The following PID1 variants were observed in gnomAD, a reference collection of about 807,000 sequenced individuals.
The protein encoded by PID1 is phosphotyrosine interaction domain containing 1.
PID1 carries 10 observed loss-of-function variants against 19.1 expected under a neutral mutation model. That is an observed-to-expected ratio of 0.52 (90% CI 0.32 to 0.89). The LOEUF is 0.89. PID1 is among the 40% of genes least tolerant of loss of function. PID1 has a pLI of 0.03. For synonymous variants in PID1, 130 were observed against 116.0 expected (o/e 1.12, Z -0.78); for missense variants, 248 against 285.3 (o/e 0.87, Z 0.94).
At chr2:229,161,593 A>T (rs907709826) in intron 1 of PID1, among the ~76,000 whole-genome samples, 5 of 152,222 alleles carry the variant, frequency 3.3e-5, no homozygotes, top group Non-Finnish European at 5.9e-5. Flanking sequence ...TCTCTTTTTT[A>T]AAAAAGTGAA....
intron 1 of PID1, among the ~76,000 whole-genome samples, chr2:229,224,694 T>G (rs1282619689): frequency 1.3e-5 from 2 of 152,150 alleles, no homozygotes; most frequent in African/African-American, 4.8e-5. Context: ...ATATTAGTAC[T>G]CCACCAGAAT....
chr2:229,068,284 G>A (rs111294638), intron 2 of PID1, among the ~76,000 whole-genome samples: 122 of 152,266 alleles, frequency 8.0e-4, no homozygotes, highest in African/African-American at 2.8e-3. Context: ...TCTCCACAGT[G>A]CCAGAAACTT....
At chr2:229,227,911 A>C in intron 1 of PID1, 1 of 452,926 alleles carries the variant, frequency 2.2e-6, no homozygotes. Flanking sequence ...GAAAATATAC[A>C]GGAGGGTGTG....
chr2:229,136,895 C>T (rs772206745), intron 2 of PID1, among the ~76,000 whole-genome samples: 84 of 152,150 alleles, frequency 5.5e-4, no homozygotes, highest in Non-Finnish European at 9.1e-4. Context: ...ATACTTACCA[C>T]GTATCTTTAT....
intron 2 of PID1, among the ~76,000 whole-genome samples, chr2:229,065,559 A>G (rs1406486953): frequency 6.6e-6 from 1 of 152,130 alleles, no homozygotes. Flanking sequence ...ACACACACAA[A>G]GACACACACA....
Position 229,107,193 on chromosome 2 carries a change from G to A in PID1, c.177+48625C>T, listed in dbSNP as rs562971264. Among the ~76,000 whole-genome samples, 5 of 152,264 alleles carry A rather than the reference G, an allele frequency of 3.3e-5. No individual in the cohort carries two copies. In the East Asian group the frequency reaches 5.8e-4, roughly 18 times the overall value. ...GAGCCTTCTTGGGGAAAATGGCCAC[G>A]TGACCCTGCTGTCACCTTGATTTCA... is the stretch of plus-strand genomic sequence containing the variant. On this transcript the variant is annotated intron_variant, in intron 2 of 2. Transcript: ENST00000392055.
At chr2:229,218,469 A>G (rs1277389141) in intron 1 of PID1, among the ~76,000 whole-genome samples, 3 of 152,176 alleles carry the variant, frequency 2.0e-5, no homozygotes, top group Admixed American at 6.5e-5. Flanking sequence ...GCAGAAATCA[A>G]TAATGGAACC....
intron 2 of PID1, among the ~76,000 whole-genome samples, chr2:229,110,499 AG>A: frequency 6.6e-6 from 1 of 152,194 alleles, no homozygotes. Flanking sequence ...ATATAGCACC[AG>A]GGAGGACATT....
At chr2:229,133,997 G>A (rs1415838484) in intron 2 of PID1, among the ~76,000 whole-genome samples, 1 of 151,186 alleles carries the variant, frequency 6.6e-6, no homozygotes, top group Non-Finnish European at 1.5e-5. Flanking sequence ...TTAAAATGCT[G>A]AGCAGCAGCC....
intron 1 of PID1, among the ~76,000 whole-genome samples, chr2:229,260,417 A>G (rs1690426766): frequency 6.6e-6 from 1 of 151,852 alleles, no homozygotes; most frequent in Non-Finnish European, 1.5e-5. Flanking sequence ...ATTGACCAGA[A>G]AAGATACCCA....
At chr2:229,191,441 G>A (rs1178240822) in intron 1 of PID1, among the ~76,000 whole-genome samples, 1 of 152,088 alleles carries the variant, frequency 6.6e-6, no homozygotes, top group Non-Finnish European at 1.5e-5. Flanking sequence ...CCCTTGGCAT[G>A]GCACAGAGCA....
chr2:229,145,357 A>G (rs1373066612), intron 2 of PID1, among the ~76,000 whole-genome samples: 1 of 151,730 alleles, frequency 6.6e-6, no homozygotes, highest in Non-Finnish European at 1.5e-5. Context: ...TACCAACTTA[A>G]TTAGTTTTCT....
intron 2 of PID1, among the ~76,000 whole-genome samples, chr2:229,125,130 T>C (rs1305843807): frequency 1.3e-5 from 2 of 152,132 alleles, no homozygotes; most frequent in Non-Finnish European, 2.9e-5. Flanking sequence ...CCAATAAAAC[T>C]GAGCAAAAAT....
chr2:229,073,260 C>T (rs1259871009), intron 2 of PID1, among the ~76,000 whole-genome samples: 1 of 152,132 alleles, frequency 6.6e-6, no homozygotes, highest in East Asian at 1.9e-4. Context: ...CTCCTGACCT[C>T]GTGATCCGCC....
intron 1 of PID1, among the ~76,000 whole-genome samples, chr2:229,236,977 TACACACACATACACAC>T (rs1359610939): frequency 2.1e-4 from 12 of 56,748 alleles, no homozygotes; most frequent in African/African-American, 4.6e-4. Context: ...CCTTCTCCTT[TACACACACATACACAC>T]ACACACACAC....
At chr2:229,180,823 A>T (rs1386610482) in intron 1 of PID1, among the ~76,000 whole-genome samples, 1 of 152,088 alleles carries the variant, frequency 6.6e-6, no homozygotes, top group African/African-American at 2.4e-5. Flanking sequence ...CTCCCTTTCG[A>T]TCCGCTGAGG....
intron 1 of PID1, among the ~76,000 whole-genome samples, chr2:229,223,766 G>A (rs1455540671): frequency 6.6e-6 from 1 of 152,132 alleles, no homozygotes; most frequent in Non-Finnish European, 1.5e-5. Flanking sequence ...AGTGTTAGAT[G>A]GACAAACACT....
intron 2 of PID1, among the ~76,000 whole-genome samples, chr2:229,076,428 T>C (rs541981622): frequency 7.4e-4 from 112 of 152,276 alleles, no homozygotes; most frequent in African/African-American, 2.6e-3. Context: ...AGTTCTGGGA[T>C]AACTGTGCAG....
At chr2:229,245,919 A>G (rs541570691) in intron 1 of PID1, among the ~76,000 whole-genome samples, 1 of 152,232 alleles carries the variant, frequency 6.6e-6, no homozygotes, top group Non-Finnish European at 1.5e-5. Flanking sequence ...TTTATCCTGC[A>G]TCCTTCATTT....
Sources: gnomAD v4.1 joint callset for allele counts (sites outside exome capture counted in the v4.1 genomes callset) on GRCh38, gnomAD v4.1.1 for gene constraint, MANE v1.5 for transcripts, NCBI Gene and HGNC (gene_info 2026-07-23, HGNC 2026-07-21) for gene names.